ANKRD30BL: variants seen among roughly 807,000 people sequenced by gnomAD.
ANKRD30BL encodes ankyrin repeat domain 30B like, also known as putative ankyrin repeat domain-containing protein 30B-like.
In ANKRD30BL, 20 loss-of-function variants were observed where a neutral mutation model predicts 18.4. That is an observed-to-expected ratio of 1.09 (90% CI 0.77 to 1.58). The LOEUF is 1.58. Ranked by LOEUF, ANKRD30BL falls within the 40% of genes most tolerant of loss-of-function variation. The pLI is 0.00. For missense variants in ANKRD30BL, 224 were observed against 268.6 expected, an observed-to-expected ratio of 0.83 and a Z score of 1.16; for synonymous variants, 72 against 100.9, an observed-to-expected ratio of 0.71 and a Z score of 1.72.
intron 1 of ANKRD30BL, among the ~76,000 whole-genome samples, chr2:132,224,967 A>G (rs1573863367): frequency 6.6e-6 from 1 of 152,054 alleles, no homozygotes; most frequent in African/African-American, 2.4e-5. Flanking sequence ...CCTATGGTGG[A>G]AAAGGAAATA....
intron 1 of ANKRD30BL, among the ~76,000 whole-genome samples, chr2:132,214,076 G>A (rs369124981): frequency 6.6e-6 from 1 of 152,252 alleles, no homozygotes; most frequent in Admixed American, 6.6e-5. Flanking sequence ...TTTTGATTGA[G>A]CAGCTTTGAA....
chr2:132,175,158 A>G (rs1038622229), intron 1 of ANKRD30BL, among the ~76,000 whole-genome samples: 5 of 152,042 alleles, frequency 3.3e-5, no homozygotes, highest in African/African-American at 9.7e-5. Context: ...CAGCATACCA[A>G]GGACGTGCAC....
intron 1 of ANKRD30BL, among the ~76,000 whole-genome samples, chr2:132,157,945 C>T (rs4953954): frequency 0.29 from 44,083 of 152,018 alleles, 10,098 homozygotes; most frequent in African/African-American, 0.62. Flanking sequence ...AGAGATAAAG[C>T]TATTTTAATA....
At chr2:132,165,048 T>C (rs1054820750), upstream of ANKRD30BL, among the ~76,000 whole-genome samples, 28 of 151,978 alleles carry the variant, frequency 1.8e-4, no homozygotes, top group African/African-American at 6.0e-4. Flanking sequence ...CACTCCAGCC[T>C]GGGCGACAGA....
intron 1 of ANKRD30BL, among the ~76,000 whole-genome samples, chr2:132,168,706 A>T (rs930176833): frequency 6.6e-6 from 1 of 152,144 alleles, no homozygotes; most frequent in African/African-American, 2.4e-5. Flanking sequence ...CTAACAGGGT[A>T]GGTCTTACGT....
chr2:132,195,364 G>A (rs1164169049), intron 1 of ANKRD30BL, among the ~76,000 whole-genome samples: 1 of 152,012 alleles, frequency 6.6e-6, no homozygotes. Flanking sequence ...AACTATTAGA[G>A]AGATAATGAA....
At chr2:132,187,475 C>T (rs983399426) in intron 1 of ANKRD30BL, among the ~76,000 whole-genome samples, 3 of 151,818 alleles carry the variant, frequency 2.0e-5, no homozygotes, top group East Asian at 1.9e-4. Flanking sequence ...CCACCACGCC[C>T]GGCTAATTTT....
chr2:132,219,995 T>C (rs576031632), intron 1 of ANKRD30BL, among the ~76,000 whole-genome samples: 117 of 152,238 alleles, frequency 7.7e-4, no homozygotes, highest in African/African-American at 2.6e-3. Flanking sequence ...AAAGGAAACA[T>C]CTTCAGATAA....
At position 132,253,997 on chromosome 2, in the gene ANKRD30BL, G is replaced by A. The variant is rs951507870; in HGVS notation, n.441+3532C>T. On this transcript the variant is annotated intron_variant and non_coding_transcript_variant, in intron 1 of 4. Transcript: ENST00000470729. ...GGGCTGGGACAGTGGGACAGGGCAC[G>A]ATGACAGCCCCAGTGGGGAGGGCAC... Among the ~76,000 whole-genome samples the A allele has an allele frequency of 7.2e-5, 11 of 151,830 alleles. No individual in the cohort carries two copies. The South Asian group carries it at 8.3e-4, about 11-fold the overall frequency.
chr2:132,180,457 A>C (rs1688441769), intron 1 of ANKRD30BL, among the ~76,000 whole-genome samples: 1 of 152,188 alleles, frequency 6.6e-6, no homozygotes, highest in Non-Finnish European at 1.5e-5. Context: ...ATATTTCTCC[A>C]AATTTATTCC....
intron 1 of ANKRD30BL, among the ~76,000 whole-genome samples, chr2:132,187,917 C>T (rs1365370329): frequency 6.6e-6 from 1 of 152,054 alleles, no homozygotes; most frequent in Non-Finnish European, 1.5e-5. Context: ...TGCCACCATG[C>T]CCAGCTAATT....
intron 1 of ANKRD30BL, among the ~76,000 whole-genome samples, chr2:132,179,956 G>A (rs1160176677): frequency 6.6e-6 from 1 of 152,158 alleles, no homozygotes; most frequent in African/African-American, 2.4e-5. Context: ...TAAGCTAAGA[G>A]TTGTGACAAA....
chr2:132,149,640 C>T (rs1403539906), intron 5 of ANKRD30BL, among the ~76,000 whole-genome samples: 4 of 152,094 alleles, frequency 2.6e-5, no homozygotes, highest in Non-Finnish European at 4.4e-5. Flanking sequence ...AAGATAGTTA[C>T]TTTTTTAGTG....
chr2:132,223,722 A>G (rs892305818), intron 1 of ANKRD30BL, among the ~76,000 whole-genome samples: 2 of 151,934 alleles, frequency 1.3e-5, no homozygotes, highest in East Asian at 1.9e-4. Flanking sequence ...CAGGTTTGAA[A>G]CACTCTTTTT....
At chr2:132,224,955 G>A (rs111574324) in intron 1 of ANKRD30BL, among the ~76,000 whole-genome samples, 1 of 152,080 alleles carries the variant, frequency 6.6e-6, no homozygotes, top group African/African-American at 2.4e-5. Context: ...AGTGTTTTGA[G>A]GCCTATGGTG....
chr2:132,243,845 G>A (rs1456400614), intron 1 of ANKRD30BL, among the ~76,000 whole-genome samples: 2 of 152,246 alleles, frequency 1.3e-5, no homozygotes, highest in Admixed American at 6.6e-5. Flanking sequence ...CACTCTTTTT[G>A]TAGGATCTGT....
At chr2:132,256,073 C>T (rs1573903363) in intron 1 of ANKRD30BL, among the ~76,000 whole-genome samples, 2 of 152,192 alleles carry the variant, frequency 1.3e-5, no homozygotes, top group Admixed American at 1.3e-4. Flanking sequence ...GAGCCAGCGA[C>T]CAAAAGAACC....
upstream of ANKRD30BL, chr2:132,162,029 G>T (rs1487019342): frequency 4.0e-6 from 1 of 252,228 alleles, no homozygotes; most frequent in Non-Finnish European, 7.7e-6. Flanking sequence ...GCTTCGCCCA[G>T]CACGGCGTGC....
chr2:132,240,481 G>C lies in ANKRD30BL; in HGVS notation n.441+17048C>G, dbSNP rs866932291. On this transcript the variant is annotated intron_variant and non_coding_transcript_variant, in intron 1 of 4. Coordinates refer to the ANKRD30BL transcript ENST00000470729. Reference sequence around the variant, plus strand: ...ACGCTTTGAGGCCCATGGTGAAACAGGAAATATCTTCCCATAAAAACTAGA... The same window carrying C: ...ACGCTTTGAGGCCCATGGTGAAACACGAAATATCTTCCCATAAAAACTAGA... Among the ~76,000 whole-genome samples, 6 of 151,704 alleles carry C rather than the reference G, an allele frequency of 4.0e-5. 1 individual carries two copies. In the Middle Eastern group the frequency reaches 0.02, roughly 516 times the overall value.
Sources: gnomAD v4.1 joint callset for allele counts (sites outside exome capture counted in the v4.1 genomes callset) on GRCh38, gnomAD v4.1.1 for gene constraint, MANE v1.5 for transcripts, NCBI Gene and HGNC (gene_info 2026-07-23, HGNC 2026-07-21) for gene names.